Variants in TRPM3 observed in about 807,000 individuals in gnomAD.
The protein encoded by TRPM3 is transient receptor potential cation channel subfamily M member 3, also known as long transient receptor potential channel 3.
In TRPM3, 77 loss-of-function variants were observed where a neutral mutation model predicts 181.2. The observed-to-expected ratio is 0.42, with a 90% CI of 0.35 to 0.51. The LOEUF (loss-of-function observed/expected upper bound fraction) is 0.51, where lower values mean the gene tolerates loss of function less well. Among genes scored for constraint, TRPM3 ranks in the 20% least tolerant of loss-of-function variants. TRPM3 has a pLI of 0.01. For synonymous variants in TRPM3, 745 were observed against 796.4 expected (o/e 0.94, Z 1.09); for missense variants, 1,759 against 2,196.7 (o/e 0.80, Z 3.98).
chr9:70,745,689 TTATGAC>T (rs1469929589), intron 8 of TRPM3, among the ~76,000 whole-genome samples: 2 of 152,208 alleles, frequency 1.3e-5, no homozygotes, highest in Non-Finnish European at 2.9e-5. Flanking sequence ...TTGATTCCTC[TTATGAC>T]TATAAGTAGG....
intron 1 of TRPM3, among the ~76,000 whole-genome samples, chr9:70,980,378 G>C (rs1052506139): frequency 1.3e-5 from 2 of 152,218 alleles, no homozygotes; most frequent in African/African-American, 2.4e-5. Flanking sequence ...GAAAGAGAGA[G>C]AGAGAGAGAG....
At chr9:71,121,765 T>C (rs556498092), upstream of TRPM3, 7 of 282,858 alleles carry the variant, frequency 2.5e-5, no homozygotes, top group South Asian at 8.3e-4. Context: ...ACGGGAAACT[T>C]GCACTTTCTT....
intron 1 of TRPM3, among the ~76,000 whole-genome samples, chr9:71,171,959 C>T (rs113030542): frequency 6.0e-4 from 92 of 152,082 alleles, no homozygotes; most frequent in Non-Finnish European, 1.0e-3. Context: ...AGTGCAGTGG[C>T]GTGATCATAG....
chr9:70,752,049 T>TGTGTGTGCGC (rs1273744922), intron 8 of TRPM3, among the ~76,000 whole-genome samples: 2 of 116,432 alleles, frequency 1.7e-5, no homozygotes, highest in African/African-American at 6.1e-5. Flanking sequence ...TGTGTGTGTG[T>TGTGTGTGCGC]GCGCGCGCGC....
chr9:71,401,772 C>T (rs899373687), intron 1 of TRPM3, among the ~76,000 whole-genome samples: 2 of 152,156 alleles, frequency 1.3e-5, no homozygotes, highest in African/African-American at 4.8e-5. Context: ...AAAGCACTTG[C>T]TTGCCATTTC....
At chr9:71,369,947 T>TC (rs2092458771) in intron 1 of TRPM3, among the ~76,000 whole-genome samples, 1 of 152,210 alleles carries the variant, frequency 6.6e-6, no homozygotes, top group Non-Finnish European at 1.5e-5. Flanking sequence ...ATTCTTACAG[T>TC]AGTTCGAACT....
At chr9:70,669,081 C>T (rs2062418143) in intron 9 of TRPM3, among the ~76,000 whole-genome samples, 1 of 152,190 alleles carries the variant, frequency 6.6e-6, no homozygotes, top group Non-Finnish European at 1.5e-5. Flanking sequence ...GAGAAAGTCA[C>T]AGAGCACAAG....
chr9:71,335,501 G>T (rs766384426), intron 1 of TRPM3, among the ~76,000 whole-genome samples: 1 of 151,972 alleles, frequency 6.6e-6, no homozygotes, highest in South Asian at 2.1e-4. Context: ...TATACATACT[G>T]AACACTTTAA....
At chr9:70,573,015 A>G (rs2052880574) in intron 22 of TRPM3, among the ~76,000 whole-genome samples, 1 of 152,236 alleles carries the variant, frequency 6.6e-6, no homozygotes, top group South Asian at 2.1e-4. Context: ...ATTTATCTGT[A>G]CATGTAGTCA....
chr9:71,220,908 T>G (rs766162978), intron 1 of TRPM3, among the ~76,000 whole-genome samples: 5 of 151,970 alleles, frequency 3.3e-5, no homozygotes, highest in African/African-American at 4.8e-5. Context: ...CTAATCTTAT[T>G]CCATCTTGTA....
chr9:70,793,016 G>C lies in TRPM3; in HGVS notation c.974-8737C>G, dbSNP rs1419796300. On this transcript the variant is annotated intron_variant, in intron 6 of 25. Coordinates refer to ENST00000677713, the MANE Select transcript of TRPM3 (RefSeq NM_001366145.2). ...AATGCTGACGTTTGAATTTCATTTA[G>C]TTTTCATGCCACAAAATATTATTCT... Among the ~76,000 whole-genome samples, 4 of 152,052 alleles carry C rather than the reference G, an allele frequency of 2.6e-5. No homozygotes were observed. In the East Asian group the frequency reaches 7.7e-4, roughly 29 times the overall value.
intron 1 of TRPM3, among the ~76,000 whole-genome samples, chr9:71,115,186 T>C (rs1236863340): frequency 6.6e-6 from 1 of 152,140 alleles, no homozygotes; most frequent in African/African-American, 2.4e-5. Context: ...TGAATTAAGT[T>C]TCCATCCAGC....
intron 1 of TRPM3, among the ~76,000 whole-genome samples, chr9:71,031,153 A>C (rs892386998): frequency 6.6e-6 from 1 of 152,228 alleles, no homozygotes; most frequent in Admixed American, 6.5e-5. Flanking sequence ...TTAAAGATGA[A>C]AAAAACAAGA....
intron 14 of TRPM3, among the ~76,000 whole-genome samples, chr9:70,623,401 C>T (rs1231112536): frequency 6.6e-6 from 1 of 151,546 alleles, no homozygotes; most frequent in Non-Finnish European, 1.5e-5. Flanking sequence ...CCACTACCAG[C>T]TAGAGCAGCA....
chr9:70,832,315 A>G (rs1340709193), intron 5 of TRPM3, among the ~76,000 whole-genome samples: 1 of 152,112 alleles, frequency 6.6e-6, no homozygotes, highest in African/African-American at 2.4e-5. Flanking sequence ...AGTAGTATGT[A>G]TATCTAAAAG....
intron 8 of TRPM3, among the ~76,000 whole-genome samples, chr9:70,697,834 T>C (rs1400511865): frequency 6.6e-6 from 1 of 152,212 alleles, no homozygotes; most frequent in African/African-American, 2.4e-5. Context: ...TCCTTTACAT[T>C]AAATCCACAA....
rs576036378 is a variant in TRPM3, at chr9:71,050,108, C to A, written c.177+71070G>T. Among the ~76,000 whole-genome samples, 6 of 152,182 alleles carry A rather than the reference C, an allele frequency of 3.9e-5. No homozygotes were observed. The East Asian group carries it at 1.2e-3, about 29-fold the overall frequency. On this transcript the variant is annotated intron_variant, in intron 1 of 25. Coordinates refer to ENST00000677713, the MANE Select transcript of TRPM3 (RefSeq NM_001366145.2). ...CCAGAAGACAGAAGGTGCTCAAAAGCCTTATTGTCTTCTATGAAGTGCTCC... is the reference window on the plus strand; with the variant it reads ...CCAGAAGACAGAAGGTGCTCAAAAGACTTATTGTCTTCTATGAAGTGCTCC...
chr9:70,930,616 G>GCC (rs1368888007), intron 1 of TRPM3, among the ~76,000 whole-genome samples: 66 of 152,294 alleles, frequency 4.3e-4, no homozygotes, highest in African/African-American at 1.5e-3. Flanking sequence ...TCTTATTAAT[G>GCC]ATACATTAGC....
intron 1 of TRPM3, among the ~76,000 whole-genome samples, chr9:70,977,720 C>T (rs3124517): frequency 0.7 from 106,687 of 152,044 alleles, 37,442 homozygotes; most frequent in South Asian, 0.73. Context: ...AATAATTTGC[C>T]AGAACAGCTC....
Sources: gnomAD v4.1 joint callset for allele counts (sites outside exome capture counted in the v4.1 genomes callset) on GRCh38, gnomAD v4.1.1 for gene constraint, MANE v1.5 for transcripts, NCBI Gene and HGNC (gene_info 2026-07-23, HGNC 2026-07-21) for gene names.